SLC51B: variants seen among roughly 807,000 people sequenced by gnomAD.
SLC51B encodes the protein organic solute transporter subunit beta.
SLC51B carries 6 observed loss-of-function variants against 8.0 expected under a neutral mutation model. The ratio of observed to expected loss-of-function variants is 0.75; its 90% CI spans 0.41 to 1.48. SLC51B has a LOEUF of 1.48. Among genes scored for constraint, SLC51B ranks in the 40% most tolerant of loss-of-function variants. The probability of loss-of-function intolerance (pLI) is 0.01; values close to 1 mark genes in which losing one functional copy is unlikely to be tolerated. For synonymous variants in SLC51B, 61 were observed against 54.8 expected, an observed-to-expected ratio of 1.11 and a Z score of -0.50; for missense variants, 150 against 149.7, an observed-to-expected ratio of 1.00 and a Z score of -0.01.
chr15:65,053,146 A>C lies in SLC51B; in HGVS notation c.369A>C (p.Val123=). 6.2e-7 allele frequency: 1 copy of C among 1,614,038 alleles called. No individual in the cohort carries two copies. The change falls in exon 4 of 4, where the codon GTA becomes GTC. Residue 123 remains valine, a synonymous_variant. Transcript: ENST00000334287. ...TGCTGTCAGTTTTCCTTCCGGATGT[A>C]CCAGAAACTGAGAGCTAGTGAGGGT... ...RDVLSVFLPD[V]PETES is the part of the protein sequence containing the mutation.
intron 2 of SLC51B, among the ~76,000 whole-genome samples, chr15:65,050,678 T>C (rs1394007831): frequency 6.6e-6 from 1 of 152,136 alleles, no homozygotes; most frequent in Non-Finnish European, 1.5e-5. Flanking sequence ...GCAAGAGCTC[T>C]GAGGCTGGAC....
intron 1 of SLC51B, among the ~76,000 whole-genome samples, chr15:65,048,613 C>T (rs558233781): frequency 6.1e-4 from 93 of 152,330 alleles, no homozygotes; most frequent in Non-Finnish European, 1.2e-3. Context: ...GTTCAAAACA[C>T]TTCTCTTGTT....
intron 3 of SLC51B, among the ~76,000 whole-genome samples, chr15:65,051,837 G>A (rs2086657640): frequency 6.6e-6 from 1 of 152,218 alleles, no homozygotes; most frequent in Admixed American, 6.5e-5. Flanking sequence ...TGGACAGGAA[G>A]CAGGCATGAC....
chr15:65,048,541 G>T (rs2086605907), intron 1 of SLC51B, among the ~76,000 whole-genome samples: 2 of 152,174 alleles, frequency 1.3e-5, no homozygotes, highest in Admixed American at 1.3e-4. Flanking sequence ...ACCTGAGAAT[G>T]CTTCGATCCT....
chr15:65,052,461 C>T (rs2086666279), intron 3 of SLC51B, among the ~76,000 whole-genome samples: 1 of 141,740 alleles, frequency 7.1e-6, no homozygotes, highest in African/African-American at 2.7e-5. Context: ...AGTGCAGTGG[C>T]ACAATCTCGG....
At chr15:65,049,838 C>T in intron 1 of SLC51B, 59 bp from the exon 2 acceptor site, 1 of 485,770 alleles carries the variant, frequency 2.1e-6, no homozygotes, top group Non-Finnish European at 3.6e-6. Flanking sequence ...TGGATTTGGG[C>T]ACAGAGGGAG....
At chr15:65,045,769 G>A (rs2086568634) in intron 1 of SLC51B, among the ~76,000 whole-genome samples, 187 bp downstream of exon 1, 1 of 152,244 alleles carries the variant, frequency 6.6e-6, no homozygotes, top group Non-Finnish European at 1.5e-5. Flanking sequence ...GAACATTAAA[G>A]GCAAAACTAA....
In SLC51B at chr15:65,051,486, A is replaced by G. The variant is rs768044592; in HGVS notation, c.98-29A>G. ...CTTGAGAGGTGCCTGGCCATTCCTCAGGGCTCTGTCCTGTGTGTCCTTCCC... is the reference window on the plus strand; with the variant it reads ...CTTGAGAGGTGCCTGGCCATTCCTCGGGGCTCTGTCCTGTGTGTCCTTCCC... On this transcript the variant is annotated intron_variant, in intron 2 of 3. Transcript: ENST00000334287. 5.0e-6 allele frequency: 8 copies of G among 1,609,932 alleles called. No homozygotes were observed. In the South Asian group the frequency reaches 8.8e-5, roughly 18 times the overall value.
intron 3 of SLC51B, 30 bp downstream of exon 3, chr15:65,051,635 G>C: frequency 6.2e-7 from 1 of 1,603,326 alleles, no homozygotes; most frequent in South Asian, 1.1e-5. Context: ...GGGATGGGGT[G>C]GTCTCTGTGG....
In SLC51B at chr15:65,053,333, A is replaced by C. The variant is rs909734584; in HGVS notation, c.*169A>C. 4.2e-6 allele frequency: 6 copies of C among 1,419,028 alleles called. No individual in the cohort carries two copies. The highest frequency in any genetic ancestry group is 4.6e-6 in the Non-Finnish European group (5 of 1,093,928). The allele number at this position is 1,419,028 out of a possible 1,614,324, so 87.9% of individuals were successfully genotyped here. ...ACAATGAATGAACTGCAAGCAAACT[A>C]AAATTCTGTTATTAAAAAAAATCTT... On this transcript the variant is annotated 3_prime_UTR_variant, in exon 4 of 4. Transcript: ENST00000334287.
intron 1 of SLC51B, 38 bp from the exon 2 acceptor site, chr15:65,049,859 G>A: frequency 1.9e-6 from 1 of 538,572 alleles, no homozygotes; most frequent in Non-Finnish European, 3.2e-6. Flanking sequence ...ATCAAACTCG[G>A]GTGGGATATC....
chr15:65,052,596 C>A (rs1385072064), intron 3 of SLC51B, among the ~76,000 whole-genome samples: 8 of 151,944 alleles, frequency 5.3e-5, no homozygotes. Flanking sequence ...GGGGTTTTGC[C>A]ATGTTGGCCA....
At chr15:65,049,739 C>G in intron 1 of SLC51B, 158 bp from the exon 2 acceptor site, 1 of 345,896 alleles carries the variant, frequency 2.9e-6, no homozygotes, top group African/African-American at 2.1e-5. Context: ...TGAGTCACTC[C>G]CACTTCCAGT....
chr15:65,049,341 A>G (rs2086618175), intron 1 of SLC51B: 1 of 151,906 alleles, frequency 6.6e-6, no homozygotes, highest in Non-Finnish European at 1.5e-5. Context: ...AAAAAAAGAA[A>G]AAGAAAAAAA....
In SLC51B at chr15:65,048,709, T is replaced by TA. The variant is rs796240269; in HGVS notation, c.-108-1181dup. Among the ~76,000 whole-genome samples the TA allele has an allele frequency of 5.4e-4, 82 of 152,246 alleles. 1 individual carries two copies. The highest frequency in any genetic ancestry group is 1.8e-3 in the African/African-American group (74 of 41,552). On this transcript the variant is annotated intron_variant, in intron 1 of 3. Transcript: ENST00000334287. ...TTAATGTGTTTAATGCGTGTCCTTT[T>TA]AAAAAAATGTGTTATTGGGTCAGGC...
chr15:65,052,970 G>A lies in SLC51B; in HGVS notation c.193G>A (p.Glu65Lys). ...LGRSIQASRK[E>K]KMQPPEKETP... is the part of the protein sequence containing the mutation. ...CACTGTTCCCTGTCCCCCCAGAAAA[G>A]AAAAGATGCAGCCACCAGAAAAAGA... Residue 65 changes from glutamate to lysine, a missense_variant, in exon 4 of 4, where the codon GAA becomes AAA. Glu to Lys is a moderately conservative substitution (Grantham distance 56). Coordinates refer to ENST00000334287, the MANE Select transcript of SLC51B (RefSeq NM_178859.4). The A allele has an allele frequency of 6.2e-7, 1 of 1,611,686 alleles. No individual in the cohort carries two copies. The highest frequency in any genetic ancestry group is 8.5e-7 in the Non-Finnish European group (1 of 1,179,562).
intron 1 of SLC51B, among the ~76,000 whole-genome samples, chr15:65,046,985 A>G (rs1267750268): frequency 6.6e-5 from 10 of 152,228 alleles, no homozygotes; most frequent in Non-Finnish European, 1.2e-4. Context: ...CACTGATCTG[A>G]TTAGTTCCAT....
chr15:65,053,373 C>T lies in SLC51B; in HGVS notation c.*209C>T. On this transcript the variant is annotated 3_prime_UTR_variant, in exon 4 of 4. Transcript: ENST00000334287. ...AAAAAAATCTTTTATTAAAATGCTC[C>T]TGGAAGGGAGCAGGTGGTATTGCAT... 7.2e-7 allele frequency: 1 copy of T among 1,391,052 alleles called. No homozygotes were observed. Among genetic ancestry groups the T allele is most frequent in the Non-Finnish European group, 9.3e-7 (1 of 1,078,084 alleles). The allele number at this position is 1,391,052 out of a possible 1,614,324, so 86.2% of individuals were successfully genotyped here.
chr15:65,052,399 CTTTTTTTTTTTTT>C (rs34021026), intron 3 of SLC51B, among the ~76,000 whole-genome samples: 4 of 76,346 alleles, frequency 5.2e-5, no homozygotes, highest in Admixed American at 1.5e-4. Flanking sequence ...GCATCCTTGG[CTTTTTTTTTTTTT>C]TTTTTTTTTT....
Sources: gnomAD v4.1 joint callset for allele counts (sites outside exome capture counted in the v4.1 genomes callset) on GRCh38, gnomAD v4.1.1 for gene constraint, MANE v1.5 for transcripts, NCBI Gene and HGNC (gene_info 2026-07-23, HGNC 2026-07-21) for gene names.